The following UBTD1 variants were observed in gnomAD, a reference collection of about 807,000 sequenced individuals.
The protein encoded by UBTD1 is ubiquitin domain containing 1.
Under a neutral mutation model 21.7 loss-of-function variants are expected in UBTD1, and 19 were observed. That is an observed-to-expected ratio of 0.87 (90% CI 0.61 to 1.28). UBTD1 has a LOEUF of 1.28. Ranked by LOEUF, UBTD1 falls within the 50% of genes most tolerant of loss-of-function variation. The pLI, the probability that UBTD1 is intolerant of heterozygous loss-of-function variation, is 0.00. For missense variants in UBTD1, 282 were observed against 315.1 expected (o/e 0.89, Z 0.80); for synonymous variants, 116 against 135.1 (o/e 0.86, Z 0.98).
At chr10:97,508,894 G>A (rs1021776318) in intron 1 of UBTD1, among the ~76,000 whole-genome samples, 1 of 152,190 alleles carries the variant, frequency 6.6e-6, no homozygotes, top group Admixed American at 6.5e-5. Flanking sequence ...AAATATTGTT[G>A]TTTCCTCCTC....
intron 1 of UBTD1, among the ~76,000 whole-genome samples, chr10:97,544,315 G>A (rs948871425): frequency 7.3e-5 from 11 of 151,652 alleles, no homozygotes; most frequent in African/African-American, 2.7e-4. Flanking sequence ...GGAATCTGGA[G>A]AAACTGCAGG....
intron 1 of UBTD1, among the ~76,000 whole-genome samples, chr10:97,541,240 G>A (rs1317632183): frequency 6.6e-6 from 1 of 152,184 alleles, no homozygotes; most frequent in African/African-American, 2.4e-5. Flanking sequence ...AATTCGGGAG[G>A]CTGAGGCAGG....
chr10:97,556,162 C>G (rs1435521086), intron 1 of UBTD1, among the ~76,000 whole-genome samples: 1 of 152,052 alleles, frequency 6.6e-6, no homozygotes, highest in Non-Finnish European at 1.5e-5. Flanking sequence ...TATTATTACT[C>G]TTATTATAAG....
intron 1 of UBTD1, among the ~76,000 whole-genome samples, chr10:97,548,012 A>G (rs572036876): frequency 1.6e-4 from 24 of 152,150 alleles, no homozygotes; most frequent in Non-Finnish European, 2.6e-4. Flanking sequence ...GAGTGGTCTC[A>G]CTTAATCCTT....
At chr10:97,553,372 C>T (rs1020714558) in intron 1 of UBTD1, among the ~76,000 whole-genome samples, 3 of 152,204 alleles carry the variant, frequency 2.0e-5, no homozygotes, top group African/African-American at 7.2e-5. Flanking sequence ...CTCAGGTGAT[C>T]CACCTGCCTC....
At chr10:97,542,188 C>A (rs2040590203) in intron 1 of UBTD1, among the ~76,000 whole-genome samples, 1 of 152,192 alleles carries the variant, frequency 6.6e-6, no homozygotes, top group African/African-American at 2.4e-5. Flanking sequence ...CCAGGCCCAC[C>A]ACCCAGGCCC....
In UBTD1 at chr10:97,534,577, G is replaced by GCACACACACACA. The variant is rs1325135188; in HGVS notation, c.71-33336_71-33335insACACACACACAC. On this transcript the variant is annotated intron_variant, in intron 1 of 2. Coordinates refer to ENST00000370664, the MANE Select transcript of UBTD1 (RefSeq NM_024954.5). ...GGCACTAAGGAACACACACGCGCGC[G>GCACACACACACA]CGCACACACACACACACACACACAC... Among the ~76,000 whole-genome samples the GCACACACACACA allele has an allele frequency of 1.8e-3, 157 of 88,512 alleles. 1 individual carries two copies. Among genetic ancestry groups the GCACACACACACA allele is most frequent in the Admixed American group, 7.5e-3 (58 of 7,742 alleles). The allele number at this position is 88,512 out of a possible 152,430, so 58.1% of individuals were successfully genotyped here. A position where few individuals can be genotyped will look rare whatever the true frequency, so the allele number is the denominator to read the frequency against.
chr10:97,564,985 G>A (rs952105495), intron 1 of UBTD1, among the ~76,000 whole-genome samples: 10 of 152,042 alleles, frequency 6.6e-5, no homozygotes, highest in Admixed American at 3.3e-4. Context: ...TTAAGTCCCC[G>A]CCCCTTCAAG....
intron 1 of UBTD1, among the ~76,000 whole-genome samples, chr10:97,503,402 A>AAGC: frequency 6.6e-6 from 1 of 152,290 alleles, no homozygotes; most frequent in South Asian, 2.1e-4. Context: ...GAACTGGGTG[A>AAGC]AGCAGCCTCT....
In UBTD1 at chr10:97,538,097, AT is replaced by A. The variant is rs1218818589; in HGVS notation, c.71-29815del. ...TGCCTTGGCCTCCCAAAATGCTTGG[AT>A]TACAGGCACCAGCCACCATGCTCAG... On this transcript the variant is annotated intron_variant, in intron 1 of 2. Coordinates refer to ENST00000370664, the MANE Select transcript of UBTD1 (RefSeq NM_024954.5). Among the ~76,000 whole-genome samples the A allele has an allele frequency of 2.6e-5, 4 of 152,150 alleles. No homozygotes were observed. In the East Asian group the frequency reaches 7.8e-4, roughly 30 times the overall value.
At chr10:97,529,317 T>A (rs4595477) in intron 1 of UBTD1, among the ~76,000 whole-genome samples, 1 of 150,638 alleles carries the variant, frequency 6.6e-6, no homozygotes, top group African/African-American at 2.5e-5. Context: ...ACATCCCAGA[T>A]GATGGGCGGC....
chr10:97,564,783 C>T (rs1206776288), intron 1 of UBTD1, among the ~76,000 whole-genome samples: 3 of 152,162 alleles, frequency 2.0e-5, no homozygotes, highest in African/African-American at 2.4e-5. Context: ...CAGCTGGTCT[C>T]GAACTCCTGA....
At chr10:97,561,599 A>G (rs2040693145) in intron 1 of UBTD1, among the ~76,000 whole-genome samples, 2 of 152,196 alleles carry the variant, frequency 1.3e-5, no homozygotes, top group Non-Finnish European at 2.9e-5. Flanking sequence ...GTTCTTCTAT[A>G]CAATGTCTGG....
chr10:97,546,459 G>A (rs560693385), intron 1 of UBTD1, among the ~76,000 whole-genome samples: 1 of 151,862 alleles, frequency 6.6e-6, no homozygotes, highest in Admixed American at 6.6e-5. Flanking sequence ...ATGTCGTGGT[G>A]CACACCTGTA....
intron 1 of UBTD1, among the ~76,000 whole-genome samples, chr10:97,510,009 CTGGAG>C (rs1046373133): frequency 6.6e-6 from 1 of 150,762 alleles, no homozygotes; most frequent in Non-Finnish European, 1.5e-5. Flanking sequence ...ATTGCCCAGG[CTGGAG>C]TGCAATGGCA....
At chr10:97,562,117 A>G (rs1310943755) in intron 1 of UBTD1, among the ~76,000 whole-genome samples, 2 of 152,092 alleles carry the variant, frequency 1.3e-5, no homozygotes, top group East Asian at 1.9e-4. Flanking sequence ...ATTAACATTA[A>G]AACGGTCCAG....
chr10:97,518,426 C>T (rs2040453683), intron 1 of UBTD1, among the ~76,000 whole-genome samples: 2 of 152,216 alleles, frequency 1.3e-5, no homozygotes, highest in Admixed American at 1.3e-4. Context: ...GCCTACCGGC[C>T]CGAGGCTGCC....
intron 1 of UBTD1, among the ~76,000 whole-genome samples, chr10:97,523,096 T>G (rs753932322): frequency 1.4e-4 from 22 of 152,166 alleles, no homozygotes; most frequent in Non-Finnish European, 2.6e-4. Flanking sequence ...TGCACCCATA[T>G]CACTTCAGAG....
chr10:97,509,028 T>C (rs939983224), intron 1 of UBTD1, among the ~76,000 whole-genome samples: 1 of 152,048 alleles, frequency 6.6e-6, no homozygotes, highest in Non-Finnish European at 1.5e-5. Flanking sequence ...GCACAGAGAG[T>C]CATGTTAGCA....
Sources: allele counts gnomAD v4.1 joint callset (sites outside exome capture counted in the v4.1 genomes callset), GRCh38; gene constraint gnomAD v4.1.1; transcripts MANE v1.5; gene names NCBI Gene and HGNC (gene_info 2026-07-23, HGNC 2026-07-21).